The following ETS1 variants were observed in gnomAD, a reference collection of about 807,000 sequenced individuals.
ETS1 encodes protein C-ets-1.
A neutral mutation model predicts 58.6 loss-of-function variants in ETS1; 15 were observed. That is an observed-to-expected ratio of 0.26 (90% confidence interval 0.17 to 0.39). ETS1 has a LOEUF of 0.39. Among genes scored for constraint, ETS1 ranks in the 10% least tolerant of loss-of-function variants. ETS1 has a pLI of 1.00. For synonymous variants in ETS1, 214 were observed against 218.2 expected, an observed-to-expected ratio of 0.98 and a Z score of 0.17; for missense variants, 417 against 610.5, an observed-to-expected ratio of 0.68 and a Z score of 3.34.
At chr11:128,485,551 A>C (rs1382344893) in intron 6 of ETS1, among the ~76,000 whole-genome samples, 1 of 152,230 alleles carries the variant, frequency 6.6e-6, no homozygotes, top group Non-Finnish European at 1.5e-5. Flanking sequence ...CAACAGGCCT[A>C]CATTCATTGT....
At chr11:128,530,172 G>C (rs1863872171) in intron 3 of ETS1, 1 of 152,130 alleles carries the variant, frequency 6.6e-6, no homozygotes. Context: ...AGCTCTTAAG[G>C]ACCAAAAAGA....
intron 3 of ETS1, among the ~76,000 whole-genome samples, chr11:128,548,704 C>A (rs1175260667): frequency 2.0e-5 from 3 of 152,270 alleles, no homozygotes; most frequent in Admixed American, 1.3e-4. Context: ...AGCCCACGCC[C>A]GTCCTCTCCT....
In ETS1 at chr11:128,464,199, C is replaced by T. The variant is rs1861973357; in HGVS notation, c.1124-572G>A. ...ATAATATTTCTCTCCACTGCCACCA[C>T]CCTGCCCTTCCAGTCCACTTACAGG... On this transcript the variant is annotated intron_variant, in intron 8 of 9. Transcript: ENST00000392668. The surrounding 1 kb of genome is among the most constrained non-coding windows in gnomAD (Gnocchi z 4.1). 6.6e-6 allele frequency among the ~76,000 whole-genome samples: 1 copy of T among 151,654 alleles called. No homozygotes were observed. Among genetic ancestry groups the T allele is most frequent in the Non-Finnish European group, 1.5e-5 (1 of 67,934 alleles).
chr11:128,467,482 C>G (rs1862070380), intron 8 of ETS1, among the ~76,000 whole-genome samples: 1 of 152,190 alleles, frequency 6.6e-6, no homozygotes. Context: ...CTCCAGGACC[C>G]CATCCCTTGC....
At chr11:128,478,284 AAGG>A (rs921892953) in intron 8 of ETS1, among the ~76,000 whole-genome samples, 7 of 143,144 alleles carry the variant, frequency 4.9e-5, no homozygotes, top group African/African-American at 1.5e-4. Flanking sequence ...GGAAGGGAGG[AAGG>A]AGGGAGGGAG....
intron 3 of ETS1, among the ~76,000 whole-genome samples, chr11:128,506,512 G>A (rs2135490980): frequency 6.6e-6 from 1 of 152,278 alleles, no homozygotes; most frequent in Middle Eastern, 3.4e-3. Context: ...CAGAGTGAGT[G>A]AACTAGCGGG....
intron 6 of ETS1, 54 bp downstream of exon 6, chr11:128,486,015 G>A (rs534499983): frequency 4.8e-6 from 5 of 1,051,924 alleles, no homozygotes; most frequent in Non-Finnish European, 4.5e-6. Flanking sequence ...TGAGATAGGG[G>A]TCTTTTCCTA....
At chr11:128,530,851 TGA>T (rs551119878) in intron 3 of ETS1, among the ~76,000 whole-genome samples, 1 of 152,190 alleles carries the variant, frequency 6.6e-6, no homozygotes, top group Admixed American at 6.5e-5. Flanking sequence ...TCCACAGCAT[TGA>T]GAGAGACCAG....
chr11:128,506,324 A>G (rs2135490627), intron 3 of ETS1, among the ~76,000 whole-genome samples: 1 of 152,314 alleles, frequency 6.6e-6, no homozygotes, highest in South Asian at 2.1e-4. Flanking sequence ...TAGAGAGAGA[A>G]AGAGCTACTG....
Position 128,555,939 on chromosome 11 carries a change from C to T in ETS1, c.214+352G>A, listed in dbSNP as rs531294986. Among the ~76,000 whole-genome samples, 230 of 152,308 alleles carry T rather than the reference C, an allele frequency of 1.5e-3. 1 individual carries two copies. Among genetic ancestry groups the T allele is most frequent in the Middle Eastern group, 0.014 (4 of 294 alleles). ...AAGAAAGCATGTTCTCTAAGAAGGC[C>T]GAGCAATTCACACACCTCTGTTTAT... On this transcript the variant is annotated intron_variant, in intron 3 of 9. Transcript: ENST00000392668.
chr11:128,585,374 C>T (rs948682456), intron 1 of ETS1, among the ~76,000 whole-genome samples: 3 of 144,032 alleles, frequency 2.1e-5, no homozygotes, highest in Admixed American at 6.8e-5. Context: ...GGTCCCAGCT[C>T]GTGGGACGTA....
At chr11:128,557,294 A>G (rs78155078) in intron 2 of ETS1, among the ~76,000 whole-genome samples, 4,851 of 152,344 alleles carry the variant, frequency 0.032, 114 homozygotes, top group Non-Finnish European at 0.049. Context: ...CTTGAGCCCA[A>G]GAGTTTGAGG....
chr11:128,474,078 AC>A (rs1375335358), intron 8 of ETS1, among the ~76,000 whole-genome samples: 1 of 152,162 alleles, frequency 6.6e-6, no homozygotes, highest in Non-Finnish European at 1.5e-5. Flanking sequence ...AGAAACAGTG[AC>A]CCCAAAAATC....
chr11:128,540,435 T>G (rs1864038820), intron 3 of ETS1, among the ~76,000 whole-genome samples: 2 of 152,000 alleles, frequency 1.3e-5, no homozygotes, highest in Admixed American at 6.5e-5. Context: ...ATAGGTGAAT[T>G]GTATAGTATG....
At position 128,459,660 on chromosome 11, in the gene ETS1, C is replaced by T. The variant is rs1421861242; in HGVS notation, c.*2701G>A. 1.3e-5 allele frequency: 2 copies of T among 152,742 alleles called. No homozygotes were observed. The highest frequency in any genetic ancestry group is 4.8e-5 in the African/African-American group (2 of 41,442). 9.5% of individuals were successfully genotyped at this position (152,742 alleles called of 1,614,324 possible). On this transcript the variant is annotated 3_prime_UTR_variant, in exon 10 of 10. Transcript: ENST00000392668. The stretch of plus-strand genomic sequence containing the variant: ...AACGCAACATTTCCAGTGTATAAAC[C>T]ACCCACCACTCTTCCTGGGATGGTC...
At chr11:128,482,644 G>T (rs768261067) in intron 7 of ETS1, among the ~76,000 whole-genome samples, 1 of 152,160 alleles carries the variant, frequency 6.6e-6, no homozygotes, top group Non-Finnish European at 1.5e-5. Context: ...ATTTTAGCTC[G>T]ATTTCACAAC....
chr11:128,577,404 T>G (rs1864773499), intron 1 of ETS1, among the ~76,000 whole-genome samples: 1 of 152,230 alleles, frequency 6.6e-6, no homozygotes, highest in Non-Finnish European at 1.5e-5. Context: ...CTCCGTACTC[T>G]GACACCTAGG....
At chr11:128,469,911 G>T (rs7101705) in intron 8 of ETS1, among the ~76,000 whole-genome samples, 77,162 of 151,970 alleles carry the variant, frequency 0.51, 20,320 homozygotes, top group African/African-American at 0.62. Flanking sequence ...CAATACGGCC[G>T]TGGTTTAAAG....
Position 128,462,361 on chromosome 11 carries a change from T to G in ETS1, c.1458A>C (p.Ter486CysextTer3). The change falls in exon 10 of 10, where the codon TGA (stop) becomes TGC (cysteine). Residue 486 changes from the stop codon to cysteine (C), a stop_lost. Transcript: ENST00000392668. ...MLDVKPDADE* is the reference protein window; with the variant it reads ...MLDVKPDADEC ...GGTTTCCCCAGCCCCTTCAGTGCCA[T>G]CACTCGTCGGCATCTGGCTTGACGT... 5 of 1,609,758 alleles carry G rather than the reference T, an allele frequency of 3.1e-6. No individual in the cohort carries two copies. Among genetic ancestry groups the G allele is most frequent in the Non-Finnish European group, 4.3e-6 (5 of 1,176,300 alleles).
Sources: allele counts gnomAD v4.1 joint callset (sites outside exome capture counted in the v4.1 genomes callset), GRCh38; gene constraint gnomAD v4.1.1; non-coding constraint Gnocchi (gnomAD v3.1); transcripts MANE v1.5; gene names NCBI Gene and HGNC (gene_info 2026-07-23, HGNC 2026-07-21).